Variants in SRC observed in about 807,000 individuals in gnomAD.
SRC encodes the protein proto-oncogene tyrosine-protein kinase Src.
A neutral mutation model predicts 62.9 loss-of-function variants in SRC; 13 were observed. That is an observed-to-expected ratio of 0.21 (90% CI 0.13 to 0.33). SRC has a LOEUF of 0.33. Ranked by LOEUF, SRC falls within the 10% of genes least tolerant of loss-of-function variation. The pLI is 1.00. For missense variants in SRC, 457 were observed against 737.3 expected, an observed-to-expected ratio of 0.62 and a Z score of 4.40; for synonymous variants, 302 against 317.5, an observed-to-expected ratio of 0.95 and a Z score of 0.52.
rs201136319 is a variant in SRC, at chr20:37,373,285, T to C, written c.-173+8008T>C. ...GTACATACGCACACACACACACACATATTACATATGTACACATGCACACAT... is the reference window on the plus strand; with the variant it reads ...GTACATACGCACACACACACACACACATTACATATGTACACATGCACACAT... On this transcript the variant is annotated intron_variant, in intron 2 of 13. Transcript: ENST00000373578. 3.0e-3 allele frequency among the ~76,000 whole-genome samples: 433 copies of C among 144,732 alleles called. 5 individuals carry two copies. The highest frequency in any genetic ancestry group is 0.025 in the East Asian group (122 of 4,936). The allele number at this position is 144,732 out of a possible 152,430, so 94.9% of individuals were successfully genotyped here.
At chr20:37,353,230 C>A (rs1313333895) in intron 1 of SRC, among the ~76,000 whole-genome samples, 5 of 152,120 alleles carry the variant, frequency 3.3e-5, no homozygotes, top group Non-Finnish European at 7.4e-5. Flanking sequence ...AAATCAGGGT[C>A]ATGCCAGGTG....
Position 37,401,652 on chromosome 20 carries a change from C to T in SRC, c.1090C>T (p.Pro364Ser), listed in dbSNP as rs1160967723. ...GGAGACAGGCAAGTACCTGCGGCTG[C>T]CTCAGCTGGTGGACATGGCTGCTCA... ...KGETGKYLRL[P>S]QLVDMAAQIA... is the part of the protein sequence containing the mutation. The change falls in exon 11 of 14, where the codon CCT becomes TCT. Residue 364 changes from proline (P) to serine (S), a missense_variant. Pro to Ser is a moderately conservative substitution (Grantham distance 74). Coordinates refer to ENST00000373578, the MANE Select transcript of SRC (RefSeq NM_198291.3). 1 of 1,610,590 alleles carries T rather than the reference C, an allele frequency of 6.2e-7. No individual in the cohort carries two copies. Among genetic ancestry groups the T allele is most frequent in the African/African-American group, 1.3e-5 (1 of 74,638 alleles).
At chr20:37,388,699 A>G (rs2070493698) in intron 5 of SRC, among the ~76,000 whole-genome samples, 5 of 152,142 alleles carry the variant, frequency 3.3e-5, no homozygotes, top group Admixed American at 2.0e-4. Context: ...GTGAGCCATG[A>G]TCGTGCTACT....
At chr20:37,353,552 G>A (rs747639899) in intron 1 of SRC, among the ~76,000 whole-genome samples, 3 of 152,162 alleles carry the variant, frequency 2.0e-5, no homozygotes, top group Non-Finnish European at 4.4e-5. Context: ...TTCAGCCAGC[G>A]TTCATTCCTC....
intron 2 of SRC, among the ~76,000 whole-genome samples, chr20:37,381,826 C>G (rs1600993287): frequency 1.3e-5 from 2 of 152,160 alleles, no homozygotes; most frequent in African/African-American, 4.8e-5. Context: ...TTGGACCTGT[C>G]CCCAGGTCCA....
chr20:37,394,968 T>G (rs2070617904), intron 7 of SRC, among the ~76,000 whole-genome samples: 1 of 152,182 alleles, frequency 6.6e-6, no homozygotes, highest in Admixed American at 6.5e-5. Context: ...TGTGTGGGAA[T>G]GGACTGCTGT....
chr20:37,360,292 C>T (rs1354954563), intron 1 of SRC, among the ~76,000 whole-genome samples: 1 of 135,154 alleles, frequency 7.4e-6, no homozygotes, highest in African/African-American at 2.9e-5. Flanking sequence ...GGTGCAATTA[C>T]AGCTCACTGC....
At chr20:37,373,456 CAT>C (rs1555796515) in intron 2 of SRC, among the ~76,000 whole-genome samples, 3 of 94,744 alleles carry the variant, frequency 3.2e-5, no homozygotes, top group Non-Finnish European at 5.8e-5. Context: ...CGCATATATG[CAT>C]ATATACACAC....
intron 1 of SRC, among the ~76,000 whole-genome samples, chr20:37,356,062 C>T (rs904447309): frequency 1.3e-5 from 2 of 152,206 alleles, no homozygotes; most frequent in African/African-American, 4.8e-5. Context: ...AGGCAGCCCA[C>T]AGGGTTCAAG....
intron 2 of SRC, among the ~76,000 whole-genome samples, chr20:37,374,597 C>G (rs1568629473): frequency 1.0e-5 from 1 of 96,810 alleles, no homozygotes; most frequent in East Asian, 3.3e-4. Flanking sequence ...TTTTTTGAGA[C>G]AGAGTCTTGC....
intron 5 of SRC, chr20:37,386,578 C>A: frequency 2.9e-6 from 2 of 689,836 alleles, no homozygotes; most frequent in South Asian, 1.5e-5. Flanking sequence ...TGATCTCTGG[C>A]TCTCTTGGCT....
At chr20:37,401,575 G>T (rs768195785) in intron 10 of SRC, 27 bp from the exon 11 acceptor site, 2 of 1,587,308 alleles carry the variant, frequency 1.3e-6, no homozygotes, top group South Asian at 2.2e-5. Flanking sequence ...CAGGGCAGGA[G>T]CTGGAGCTGG....
chr20:37,388,441 T>C (rs1402387994), intron 5 of SRC, among the ~76,000 whole-genome samples: 1 of 152,198 alleles, frequency 6.6e-6, no homozygotes, highest in African/African-American at 2.4e-5. Context: ...CCAATGCTCC[T>C]TCGCTTAGAC....
chr20:37,362,914 G>C (rs1256620880), intron 1 of SRC, among the ~76,000 whole-genome samples: 5 of 152,168 alleles, frequency 3.3e-5, no homozygotes. Context: ...TTGCCGCTGA[G>C]GAAACTGAGG....
At position 37,404,287 on chromosome 20, in the gene SRC, G is replaced by A. The variant is rs2070790060; in HGVS notation, c.*908G>A. 4.3e-6 allele frequency: 1 copy of A among 233,764 alleles called. No homozygotes were observed. Among genetic ancestry groups the A allele is most frequent in the Middle Eastern group, 1.3e-3 (1 of 786 alleles). The allele number at this position is 233,764 out of a possible 1,614,324, so 14.5% of individuals were successfully genotyped here. A position where few individuals can be genotyped will look rare whatever the true frequency, so the allele number is the denominator to read the frequency against. Reference sequence around the variant, plus strand: ...TGTTGGGAACAGCATGGAGGCAGATGTGGGGCTGAGCTGGGGAATCAGGGT... The same window carrying A: ...TGTTGGGAACAGCATGGAGGCAGATATGGGGCTGAGCTGGGGAATCAGGGT... On this transcript the variant is annotated 3_prime_UTR_variant, in exon 14 of 14. Transcript: ENST00000373578.
chr20:37,385,461 G>A (rs2070439595), intron 4 of SRC, among the ~76,000 whole-genome samples: 2 of 152,172 alleles, frequency 1.3e-5, no homozygotes, highest in East Asian at 3.9e-4. Flanking sequence ...GCTCGTGGAG[G>A]GTGTTAGAAG....
At chr20:37,378,767 G>T (rs1408722123) in intron 2 of SRC, among the ~76,000 whole-genome samples, 3 of 152,224 alleles carry the variant, frequency 2.0e-5, no homozygotes, top group Admixed American at 6.5e-5. Context: ...GCTGCGGGGG[G>T]AGGGTGGACT....
At chr20:37,395,934 G>C (rs988645198) in intron 7 of SRC, among the ~76,000 whole-genome samples, 1 of 152,234 alleles carries the variant, frequency 6.6e-6, no homozygotes, top group Non-Finnish European at 1.5e-5. Flanking sequence ...TGGAGGTCTT[G>C]CTGGGGCCAA....
chr20:37,396,036 G>A lies in SRC; in HGVS notation c.554-126G>A. On this transcript the variant is annotated intron_variant, in intron 7 of 13. Transcript: ENST00000373578. This position sits in a 1 kb window ranked among gnomAD's most constrained non-coding sequence, Gnocchi z 6.1. ...CCGGGGCTGGCTGTTGAGAGACAGG[G>A]TGGGCCTGGGGCCCCGCCTGGGCCT... 7.3e-7 allele frequency: 1 copy of A among 1,364,468 alleles called. No individual in the cohort carries two copies. The highest frequency in any genetic ancestry group is 9.9e-7 in the Non-Finnish European group (1 of 1,008,908). 84.5% of individuals were successfully genotyped at this position (1,364,468 alleles called of 1,614,324 possible).
Sources: allele counts gnomAD v4.1 joint callset (sites outside exome capture counted in the v4.1 genomes callset), GRCh38; gene constraint gnomAD v4.1.1; non-coding constraint Gnocchi (gnomAD v3.1); transcripts MANE v1.5; gene names NCBI Gene and HGNC (gene_info 2026-07-23, HGNC 2026-07-21).